Variants in TMEM165 observed in about 807,000 individuals in gnomAD.
TMEM165 encodes transmembrane protein 165.
A neutral mutation model predicts 30.0 loss-of-function variants in TMEM165; 19 were observed. The ratio of observed to expected loss-of-function variants is 0.63; its 90% CI spans 0.44 to 0.93. The LOEUF is 0.93. TMEM165 is among the 40% of genes least tolerant of loss of function. The pLI is 0.00. For synonymous variants in TMEM165, 168 were observed against 162.9 expected (o/e 1.03, Z -0.24); for missense variants, 340 against 417.0 (o/e 0.82, Z 1.61).
At chr4:55,424,384 T>TA (rs1722112119) in intron 4 of TMEM165, 154 bp from the exon 5 acceptor site, 1 of 590,844 alleles carries the variant, frequency 1.7e-6, no homozygotes, top group South Asian at 2.2e-5. Flanking sequence ...AAGCAGCCAT[T>TA]ACACCTCTCA....
chr4:55,408,024 C>T (rs975565939), intron 1 of TMEM165, among the ~76,000 whole-genome samples: 2 of 152,184 alleles, frequency 1.3e-5, no homozygotes, highest in Non-Finnish European at 2.9e-5. Context: ...ATACACTTAA[C>T]CACTACACTG....
At chr4:55,399,845 C>G (rs1720878858) in intron 1 of TMEM165, among the ~76,000 whole-genome samples, 1 of 151,880 alleles carries the variant, frequency 6.6e-6, no homozygotes, top group Non-Finnish European at 1.5e-5. Flanking sequence ...GGAAGGGATC[C>G]TTGTCTTTAA....
Position 55,395,988 on chromosome 4 carries a change from GGC to G in TMEM165, c.-199_-198del. 9 of 395,020 alleles carry G rather than the reference GGC, an allele frequency of 2.3e-5. No individual in the cohort carries two copies. Among genetic ancestry groups the G allele is most frequent in the Non-Finnish European group, 3.9e-5 (9 of 229,576 alleles). The allele number at this position is 395,020 out of a possible 1,614,324, so 24.5% of individuals were successfully genotyped here. A position where few individuals can be genotyped will look rare whatever the true frequency, so the allele number is the denominator to read the frequency against. ...AGTTTAGCCGCCGCCGGAGAGGACG[GGC>G]GCCGAGCCGGGGCTGCGGACTTCGG... On this transcript the variant is annotated 5_prime_UTR_variant, in exon 1 of 6. Coordinates refer to ENST00000381334, the MANE Select transcript of TMEM165 (RefSeq NM_018475.5).
chr4:55,419,339 T>C (rs1053186567), intron 4 of TMEM165, among the ~76,000 whole-genome samples: 1 of 152,106 alleles, frequency 6.6e-6, no homozygotes. Context: ...CAAAAAGTCT[T>C]AGCCCAAGAA....
intron 1 of TMEM165, among the ~76,000 whole-genome samples, chr4:55,398,599 A>G (rs540633499): frequency 1.8e-4 from 27 of 151,710 alleles, no homozygotes; most frequent in Middle Eastern, 3.4e-3. Flanking sequence ...CTTTTTTGGG[A>G]ACTTTATTGT....
intron 3 of TMEM165, among the ~76,000 whole-genome samples, chr4:55,441,091 G>A (rs987198541): frequency 4.6e-5 from 7 of 152,126 alleles, no homozygotes; most frequent in African/African-American, 1.7e-4. Context: ...TACTAGTTTG[G>A]TCTTTCCCTT....
At chr4:55,422,465 C>G (rs552148183) in intron 4 of TMEM165, among the ~76,000 whole-genome samples, 1 of 152,010 alleles carries the variant, frequency 6.6e-6, no homozygotes, top group Admixed American at 6.6e-5. Flanking sequence ...ACCATGTTGT[C>G]CAGGTTGGTC....
chr4:55,448,950 T>TTCTG, intron 3 of TMEM165: 1 of 1,092,290 alleles, frequency 9.2e-7, no homozygotes, highest in Non-Finnish European at 1.4e-6. Context: ...AATATGATAT[T>TTCTG]CGTATTAATA....
chr4:55,414,434 A>C (rs1347654595), intron 2 of TMEM165, among the ~76,000 whole-genome samples: 1 of 151,974 alleles, frequency 6.6e-6, no homozygotes, highest in Non-Finnish European at 1.5e-5. Flanking sequence ...AGTTTTATAG[A>C]TTTAACCACT....
chr4:55,409,929 C>G (rs1372225480), intron 1 of TMEM165, among the ~76,000 whole-genome samples: 5 of 152,202 alleles, frequency 3.3e-5, no homozygotes, highest in Admixed American at 3.3e-4. Flanking sequence ...CACTTAAAAA[C>G]TTTCCCAATT....
chr4:55,445,355 C>A (rs945652970), intron 3 of TMEM165, among the ~76,000 whole-genome samples: 3 of 152,124 alleles, frequency 2.0e-5, no homozygotes, highest in African/African-American at 7.2e-5. Context: ...AGTACCCCAG[C>A]TGATGGCTTC....
chr4:55,426,081 TAA>T lies in TMEM165; in HGVS notation c.*632_*633del, dbSNP rs1473171357. On this transcript the variant is annotated 3_prime_UTR_variant, in exon 6 of 6. Coordinates refer to ENST00000381334, the MANE Select transcript of TMEM165 (RefSeq NM_018475.5). ...ATTTGACAATGTGGAATTACCAAATTAAAAGAGAATACTATGAATGTATTCAT... is the reference window on the plus strand; with the variant it reads ...ATTTGACAATGTGGAATTACCAAATTAAGAGAATACTATGAATGTATTCAT... 6.6e-6 allele frequency: 1 copy of T among 152,108 alleles called. No homozygotes were observed. Among genetic ancestry groups the T allele is most frequent in the Non-Finnish European group, 1.5e-5 (1 of 68,022 alleles). The allele number at this position is 152,108 out of a possible 1,614,324, so 9.4% of individuals were successfully genotyped here.
intron 5 of TMEM165, 136 bp from the exon 6 acceptor site, chr4:55,425,240 T>C (rs1578246239): frequency 1.5e-6 from 1 of 659,522 alleles, no homozygotes; most frequent in East Asian, 2.6e-5. Flanking sequence ...GGGGTTGAAG[T>C]GATTCTAATT....
At chr4:55,444,729 T>C (rs773274603) in intron 3 of TMEM165, 7 of 1,614,110 alleles carry the variant, frequency 4.3e-6, no homozygotes, top group Admixed American at 3.3e-5. Flanking sequence ...TGCGTGTCCG[T>C]TGTTCCAATT....
At chr4:55,435,790 A>C (rs1315368780) in intron 3 of TMEM165, among the ~76,000 whole-genome samples, 1 of 152,186 alleles carries the variant, frequency 6.6e-6, no homozygotes, top group Admixed American at 6.5e-5. Flanking sequence ...AAAGTATGAG[A>C]GAGTTTCATT....
downstream of TMEM165, among the ~76,000 whole-genome samples, chr4:55,426,775 A>C (rs1722220876): frequency 6.6e-6 from 1 of 152,242 alleles, no homozygotes; most frequent in East Asian, 1.9e-4. Context: ...TGTAGGATGC[A>C]GCAATTGTCC....
rs1441296945 is a variant in TMEM165 at position 55,396,122 on chromosome 4, G to C, written c.-68G>C. ...GAGGACGCGCCGCGGAGGCTGTTCG[G>C]GGTCGAGGCTTCCCGTCGCCGGCAC... On this transcript the variant is annotated 5_prime_UTR_variant, in exon 1 of 6. Coordinates refer to ENST00000381334, the MANE Select transcript of TMEM165 (RefSeq NM_018475.5). 55 of 1,269,310 alleles carry C rather than the reference G, an allele frequency of 4.3e-5. No individual in the cohort carries two copies. The highest frequency in any genetic ancestry group is 5.2e-5 in the Non-Finnish European group (52 of 1,001,654). The allele number at this position is 1,269,310 out of a possible 1,614,324, so 78.6% of individuals were successfully genotyped here. A position where few individuals can be genotyped will look rare whatever the true frequency, so the allele number is the denominator to read the frequency against.
intron 2 of TMEM165, chr4:55,412,487 T>TA: frequency 6.7e-6 from 1 of 148,396 alleles, no homozygotes. Context: ...TGATACCCAC[T>TA]ATCACCATCA....
rs753675322 is a variant in TMEM165, at chr4:55,453,100, C to T, written c.*794C>T. The stretch of plus-strand genomic sequence containing the variant: ...AAGAGACTCTTCAATGCCAAGTTCT[C>T]GTCGTCTTTCAGCCCTAACTTCTGC... On this transcript the variant is annotated 3_prime_UTR_variant, in exon 4 of 4. Transcript: ENST00000608091. 6.7e-5 allele frequency: 108 copies of T among 1,612,654 alleles called. No homozygotes were observed. The South Asian group carries it at 1.1e-3, about 17-fold the overall frequency.
Sources: allele counts gnomAD v4.1 joint callset (sites outside exome capture counted in the v4.1 genomes callset), GRCh38; gene constraint gnomAD v4.1.1; transcripts MANE v1.5; gene names NCBI Gene and HGNC (gene_info 2026-07-23, HGNC 2026-07-21).